Variants in GRB10 observed in about 807,000 individuals in gnomAD.
The protein encoded by GRB10 is growth factor receptor bound protein 10, also known as growth factor receptor-bound protein 10.
In GRB10, 20 loss-of-function variants were observed where a neutral mutation model predicts 80.9. The ratio of observed to expected loss-of-function variants is 0.25; its 90% CI spans 0.17 to 0.36. The LOEUF is 0.36. Among genes scored for constraint, GRB10 ranks in the 10% least tolerant of loss-of-function variants. The pLI is 1.00. For synonymous variants in GRB10, 291 were observed against 291.5 expected (o/e 1.00, Z 0.02); for missense variants, 548 against 747.7 (o/e 0.73, Z 3.12).
intron 5 of GRB10, among the ~76,000 whole-genome samples, chr7:50,680,533 G>A (rs1327798393): frequency 2.0e-5 from 3 of 152,240 alleles, no homozygotes; most frequent in East Asian, 3.8e-4. Context: ...GGCAGTGGCA[G>A]GGCTCCAATC....
chr7:50,604,683 T>G (rs2048218030), intron 15 of GRB10, among the ~76,000 whole-genome samples: 1 of 152,144 alleles, frequency 6.6e-6, no homozygotes, highest in African/African-American at 2.4e-5. Flanking sequence ...CACACAAGCC[T>G]TTCTATTAAA....
intron 5 of GRB10, among the ~76,000 whole-genome samples, chr7:50,697,071 T>C (rs2063523913): frequency 6.6e-6 from 1 of 152,232 alleles, no homozygotes; most frequent in Admixed American, 6.5e-5. Flanking sequence ...ACAAATAGTG[T>C]ATGGTCCCAC....
chr7:50,707,384 A>G (rs1348466408), intron 4 of GRB10, among the ~76,000 whole-genome samples: 1 of 152,110 alleles, frequency 6.6e-6, no homozygotes, highest in Admixed American at 6.5e-5. Context: ...ACACACATCC[A>G]AGTGTTTCTC....
intron 7 of GRB10, among the ~76,000 whole-genome samples, chr7:50,627,813 C>T (rs537253622): frequency 5.3e-5 from 8 of 152,346 alleles, no homozygotes; most frequent in South Asian, 4.1e-4. Flanking sequence ...TTTTAAATTG[C>T]GACTGCCTCT....
chr7:50,792,668 C>A (rs1207667782), intron 1 of GRB10: 1 of 389,996 alleles, frequency 2.6e-6, no homozygotes, highest in East Asian at 3.6e-5. Context: ...GTCCTCCGTA[C>A]GAGGCTGGGC....
chr7:50,641,953 G>A (rs17133917), intron 7 of GRB10, among the ~76,000 whole-genome samples: 71,075 of 152,004 alleles, frequency 0.47, 16,715 homozygotes, highest in Middle Eastern at 0.55. Context: ...AAGTCTGCAC[G>A]AACTCACTGC....
chr7:50,692,859 C>T (rs2062988033), intron 5 of GRB10, among the ~76,000 whole-genome samples: 1 of 152,082 alleles, frequency 6.6e-6, no homozygotes, highest in Non-Finnish European at 1.5e-5. Flanking sequence ...TAAATTAAAA[C>T]CTGAGATGGA....
chr7:50,665,426 T>A (rs2153632622), intron 7 of GRB10, among the ~76,000 whole-genome samples: 1 of 152,348 alleles, frequency 6.6e-6, no homozygotes, highest in East Asian at 1.9e-4. Context: ...TCACACTATT[T>A]ATGAGCACCC....
At chr7:50,660,785 C>T (rs17546223) in intron 7 of GRB10, among the ~76,000 whole-genome samples, 2 of 152,022 alleles carry the variant, frequency 1.3e-5, no homozygotes, top group African/African-American at 4.8e-5. Flanking sequence ...CTGACTCTTG[C>T]GTGCGTGAAG....
chr7:50,685,421 C>T (rs547232625), intron 5 of GRB10, among the ~76,000 whole-genome samples: 4 of 152,202 alleles, frequency 2.6e-5, no homozygotes, highest in African/African-American at 7.2e-5. Flanking sequence ...AAAGGAGAGA[C>T]GAGGGGGTGG....
intron 3 of GRB10, among the ~76,000 whole-genome samples, chr7:50,740,647 C>T (rs2071543695): frequency 6.6e-6 from 1 of 151,468 alleles, no homozygotes; most frequent in South Asian, 2.1e-4. Context: ...ACAATATTTA[C>T]ATTCTAAGCC....
intron 7 of GRB10, among the ~76,000 whole-genome samples, chr7:50,629,918 C>A (rs961923971): frequency 3.9e-5 from 6 of 152,200 alleles, no homozygotes; most frequent in African/African-American, 1.4e-4. Flanking sequence ...CAGGTCAAGG[C>A]CCTTGTCCCG....
At chr7:50,736,519 A>G (rs1372640898) in intron 3 of GRB10, among the ~76,000 whole-genome samples, 1 of 152,194 alleles carries the variant, frequency 6.6e-6, no homozygotes, top group Non-Finnish European at 1.5e-5. Context: ...GGGGCTGAGT[A>G]TGGTGGCTCA....
At chr7:50,628,073 A>G (rs1427423787) in intron 7 of GRB10, among the ~76,000 whole-genome samples, 2 of 152,200 alleles carry the variant, frequency 1.3e-5, no homozygotes, top group African/African-American at 4.8e-5. Flanking sequence ...GCCAACCACA[A>G]CAACCGCAAC....
chr7:50,713,735 C>T (rs1356432492), intron 4 of GRB10, among the ~76,000 whole-genome samples: 1 of 147,296 alleles, frequency 6.8e-6, no homozygotes, highest in African/African-American at 2.5e-5. Context: ...TCTACTATCA[C>T]ATCACCTCCA....
At chr7:50,742,798 T>A (rs2072132350) in intron 3 of GRB10, among the ~76,000 whole-genome samples, 1 of 152,128 alleles carries the variant, frequency 6.6e-6, no homozygotes. Flanking sequence ...CCACCACTCT[T>A]TTCTTTAAAT....
At chr7:50,774,995 C>CAAA (rs200448804) in intron 2 of GRB10, among the ~76,000 whole-genome samples, 1 of 123,414 alleles carries the variant, frequency 8.1e-6, no homozygotes. Flanking sequence ...AAAAACAAAA[C>CAAA]AAAACAAAAA....
intron 2 of GRB10, among the ~76,000 whole-genome samples, chr7:50,767,775 C>T (rs931725129): frequency 6.6e-6 from 1 of 152,162 alleles, no homozygotes; most frequent in South Asian, 2.1e-4. Context: ...TGTTGGGGAC[C>T]CTGACTGTGT....
At chr7:50,655,391 G>C (rs948237713) in intron 7 of GRB10, among the ~76,000 whole-genome samples, 2 of 152,184 alleles carry the variant, frequency 1.3e-5, no homozygotes, top group Non-Finnish European at 2.9e-5. Context: ...GGCAGCCCTG[G>C]CTCCTTTTAT....
Sources: allele counts gnomAD v4.1 joint callset (sites outside exome capture counted in the v4.1 genomes callset), GRCh38; gene constraint gnomAD v4.1.1; transcripts MANE v1.5; gene names NCBI Gene and HGNC (gene_info 2026-07-23, HGNC 2026-07-21).